FTCD: variants seen among roughly 807,000 people sequenced by gnomAD.
FTCD encodes the protein formimidoyltransferase-cyclodeaminase.
A neutral mutation model predicts 62.9 loss-of-function variants in FTCD; 76 were observed. That is an observed-to-expected ratio of 1.21 (90% CI 1.00 to 1.46). The LOEUF (loss-of-function observed/expected upper bound fraction) is 1.46, where lower values mean the gene tolerates loss of function less well. Among genes scored for constraint, FTCD ranks in the 40% most tolerant of loss-of-function variants. The probability of loss-of-function intolerance (pLI) is 0.00; values close to 1 mark genes in which losing one functional copy is unlikely to be tolerated. For missense variants in FTCD, 845 were observed against 751.3 expected (o/e 1.12, Z -1.46); for synonymous variants, 397 against 336.9 (o/e 1.18, Z -1.95).
chr21:46,141,747 G>C (rs1197671709), intron 10 of FTCD, among the ~76,000 whole-genome samples: 1 of 151,960 alleles, frequency 6.6e-6, no homozygotes, highest in Admixed American at 6.5e-5. Flanking sequence ...GGCAGCGAAA[G>C]CCCCAAGAGA....
intron 7 of FTCD, among the ~76,000 whole-genome samples, chr21:46,148,047 TAGAC>T (rs1304929671): frequency 6.6e-6 from 1 of 152,146 alleles, no homozygotes; most frequent in Non-Finnish European, 1.5e-5. Context: ...AGCTGCTGCT[TAGAC>T]AGAAAGGATG....
chr21:46,151,254 C>T (rs1370037324), intron 5 of FTCD, among the ~76,000 whole-genome samples: 2 of 152,184 alleles, frequency 1.3e-5, no homozygotes, highest in Admixed American at 6.5e-5. Flanking sequence ...CCTGGGACTC[C>T]GGAAGTCGCT....
intron 12 of FTCD, among the ~76,000 whole-genome samples, 193 bp downstream of exon 12, chr21:46,138,315 C>T (rs999910669): frequency 6.6e-6 from 1 of 152,178 alleles, no homozygotes; most frequent in African/African-American, 2.4e-5. Context: ...GTGGTGCCGC[C>T]GTGAGCGAGA....
intron 5 of FTCD, 67 bp from the exon 6 acceptor site, chr21:46,150,592 C>A (rs2079246689): frequency 6.6e-7 from 1 of 1,518,486 alleles, no homozygotes. Flanking sequence ...GCCAGTCTCT[C>A]CTGGCACTTG....
intron 10 of FTCD, among the ~76,000 whole-genome samples, chr21:46,140,508 C>A (rs77643595): frequency 7.3e-5 from 10 of 136,228 alleles, no homozygotes; most frequent in South Asian, 2.5e-4. Context: ...TCAACCCAGC[C>A]CTCCCCGTCC....
In FTCD at chr21:46,136,868, C is replaced by T; in HGVS notation, c.*119G>A. 6.4e-7 allele frequency: 1 copy of T among 1,563,348 alleles called. No individual in the cohort carries two copies. The highest frequency in any genetic ancestry group is 2.4e-5 in the East Asian group (1 of 41,548). ...CCATTCCCAGGCGATGCCCCGCTGCCTGCCCACCTACCCTCCGGGCCCCAC... is the reference window on the plus strand; with the variant it reads ...CCATTCCCAGGCGATGCCCCGCTGCTTGCCCACCTACCCTCCGGGCCCCAC... On this transcript the variant is annotated 3_prime_UTR_variant, in exon 14 of 14. Transcript: ENST00000397746.
chr21:46,152,666 C>T, intron 3 of FTCD: 4 of 460,438 alleles, frequency 8.7e-6, no homozygotes, highest in African/African-American at 2.0e-5. Context: ...CTTTAAGGCT[C>T]TTGGTTTGCC....
At chr21:46,136,652 C>T, downstream of FTCD, 1 of 1,476,066 alleles carries the variant, frequency 6.8e-7, no homozygotes, top group Non-Finnish European at 9.0e-7. Flanking sequence ...TCTGTCTCCT[C>T]ACGCTGCAAC....
downstream of FTCD, chr21:46,136,777 G>A: frequency 2.0e-6 from 3 of 1,515,360 alleles, no homozygotes; most frequent in Non-Finnish European, 2.7e-6. Flanking sequence ...ACACAACACA[G>A]GTTTGGTGCC....
chr21:46,152,834 G>C (rs1398860509), intron 3 of FTCD, 73 bp downstream of exon 3: 2 of 1,296,276 alleles, frequency 1.5e-6, no homozygotes, highest in Non-Finnish European at 2.1e-6. Flanking sequence ...GGGAACTGGG[G>C]GATACAGAAG....
chr21:46,146,104 C>T (rs1387771738), intron 8 of FTCD, among the ~76,000 whole-genome samples, 157 bp from the exon 9 acceptor site: 1 of 151,972 alleles, frequency 6.6e-6, no homozygotes, highest in African/African-American at 2.4e-5. Context: ...TCTGTGCCCC[C>T]CTCAGCCCCC....
At chr21:46,146,086 C>T in intron 8 of FTCD, 139 bp from the exon 9 acceptor site, 1 of 715,524 alleles carries the variant, frequency 1.4e-6, no homozygotes, top group Non-Finnish European at 2.3e-6. Context: ...GGGGACCCGG[C>T]CGGGGTCTCT....
At chr21:46,142,025 A>T (rs2079020904) in intron 10 of FTCD, 1 of 152,390 alleles carries the variant, frequency 6.6e-6, no homozygotes, top group African/African-American at 2.4e-5. Flanking sequence ...AGGCAGCAAG[A>T]GAGGCGAGCA....
intron 5 of FTCD, among the ~76,000 whole-genome samples, chr21:46,151,073 G>A (rs901908847): frequency 3.9e-5 from 6 of 152,202 alleles, no homozygotes; most frequent in African/African-American, 1.4e-4. Context: ...GGGAACAGAT[G>A]GGCAGGTGGT....
chr21:46,143,243 G>A (rs943621160), intron 10 of FTCD, among the ~76,000 whole-genome samples: 7 of 151,634 alleles, frequency 4.6e-5, no homozygotes, highest in South Asian at 4.2e-4. Flanking sequence ...AAACACAGGC[G>A]CCCCCACCGC....
At chr21:46,145,279 G>A (rs536847902) in intron 10 of FTCD, 138 bp downstream of exon 10, 16 of 684,064 alleles carry the variant, frequency 2.3e-5, no homozygotes, top group Non-Finnish European at 3.6e-5. Context: ...TCCAGACAGC[G>A]GCCAGTGGTG....
At chr21:46,148,105 G>A (rs2079191053) in intron 7 of FTCD, among the ~76,000 whole-genome samples, 1 of 152,164 alleles carries the variant, frequency 6.6e-6, no homozygotes, top group African/African-American at 2.4e-5. Context: ...TGGAATTTCA[G>A]TAATAAACAG....
chr21:46,138,926 G>T lies in FTCD; in HGVS notation c.1261-3C>A. On this transcript the variant is annotated splice_region_variant and splice_polypyrimidine_tract_variant and intron_variant, in intron 10 of 13. Coordinates refer to ENST00000397746, the MANE Select transcript of FTCD (RefSeq NM_206965.2). ...TTCTTGGGGAGCCTCATTGCTTCCT[G>T]CCATAAAGAGACAGAACCACTGGGC... 1.2e-6 allele frequency: 2 copies of T among 1,611,550 alleles called. No homozygotes were observed. The highest frequency in any genetic ancestry group is 1.7e-4 in the Middle Eastern group (1 of 6,054).
rs762273298 is a variant in FTCD at position 46,138,495 on chromosome 21, C to T, written c.1443+13G>A. On this transcript the variant is annotated intron_variant, in intron 12 of 13. Coordinates refer to ENST00000397746, the MANE Select transcript of FTCD (RefSeq NM_206965.2). ...TTGCGGCAGGAGGCCTGGGGTCCCC[C>T]GGGCCCCCCTACCTGGAGGTCTGAC... 2.0e-5 allele frequency: 32 copies of T among 1,576,614 alleles called. No individual in the cohort carries two copies. The highest frequency in any genetic ancestry group is 2.4e-5 in the Non-Finnish European group (28 of 1,168,362).
Sources: gnomAD v4.1 joint callset for allele counts (sites outside exome capture counted in the v4.1 genomes callset) on GRCh38, gnomAD v4.1.1 for gene constraint, MANE v1.5 for transcripts, NCBI Gene and HGNC (gene_info 2026-07-23, HGNC 2026-07-21) for gene names.